FAM222B: variants seen among roughly 807,000 people sequenced by gnomAD.
The protein encoded by FAM222B is protein FAM222B.
FAM222B carries 12 observed loss-of-function variants against 38.0 expected under a neutral mutation model. The ratio of observed to expected loss-of-function variants is 0.32; its 90% CI spans 0.20 to 0.51. The LOEUF (loss-of-function observed/expected upper bound fraction) is 0.51. Ranked by LOEUF, FAM222B falls within the 20% of genes least tolerant of loss-of-function variation. The pLI is 0.97. For missense variants in FAM222B, 716 were observed against 754.2 expected, an observed-to-expected ratio of 0.95 and a Z score of 0.59; for synonymous variants, 329 against 317.2, an observed-to-expected ratio of 1.04 and a Z score of -0.40.
chr17:28,838,338 T>C (rs1048855707), intron 1 of FAM222B, among the ~76,000 whole-genome samples: 2 of 150,858 alleles, frequency 1.3e-5, no homozygotes, highest in African/African-American at 4.9e-5. Flanking sequence ...CCCAACACTT[T>C]GGGAGGCCGA....
At chr17:28,843,364 C>G (rs961699859), upstream of FAM222B, among the ~76,000 whole-genome samples, 4 of 143,840 alleles carry the variant, frequency 2.8e-5, no homozygotes, top group Admixed American at 2.8e-4. Context: ...CTCGAACTCC[C>G]GACCTCAGGT....
At chr17:28,844,213 C>G (rs2039123069), upstream of FAM222B, among the ~76,000 whole-genome samples, 1 of 152,118 alleles carries the variant, frequency 6.6e-6, no homozygotes, top group Admixed American at 6.6e-5. Context: ...CAGGACTAAA[C>G]TCTCTCCTCA....
intron 1 of FAM222B, among the ~76,000 whole-genome samples, chr17:28,811,845 C>T (rs2037781145): frequency 6.6e-6 from 1 of 152,194 alleles, no homozygotes; most frequent in Non-Finnish European, 1.5e-5. Flanking sequence ...ATGGTGAAGA[C>T]AACCTTAATG....
chr17:28,791,675 A>ATTTTTTT (rs869183871), intron 1 of FAM222B, among the ~76,000 whole-genome samples: 2 of 116,850 alleles, frequency 1.7e-5, no homozygotes, highest in Non-Finnish European at 1.7e-5. Flanking sequence ...GAGCCCAGGA[A>ATTTTTTT]TTTTTTTTTT....
At chr17:28,780,330 TTC>T (rs1177227763) in intron 1 of FAM222B, among the ~76,000 whole-genome samples, 3 of 152,114 alleles carry the variant, frequency 2.0e-5, no homozygotes, top group Non-Finnish European at 2.9e-5. Context: ...AAGTAAAATT[TTC>T]TCTGTCTGCA....
chr17:28,810,410 GCTAA>G (rs1220593078), intron 1 of FAM222B, among the ~76,000 whole-genome samples: 1 of 151,706 alleles, frequency 6.6e-6, no homozygotes, highest in Non-Finnish European at 1.5e-5. Flanking sequence ...TTATATACTA[GCTAA>G]CTTTGTTTTA....
At chr17:28,790,882 C>CAA in intron 1 of FAM222B, among the ~76,000 whole-genome samples, 5 of 9,318 alleles carry the variant, frequency 5.4e-4, no homozygotes, top group African/African-American at 2.0e-3. Context: ...CAAATTGTTT[C>CAA]ACTTTTTTTT....
intron 2 of FAM222B, among the ~76,000 whole-genome samples, chr17:28,761,521 G>A (rs2035071007): frequency 1.3e-5 from 2 of 152,220 alleles, no homozygotes; most frequent in African/African-American, 4.8e-5. Flanking sequence ...TTGGCCCAAA[G>A]GAGACTCTAT....
At chr17:28,816,508 G>C (rs141806452) in intron 1 of FAM222B, among the ~76,000 whole-genome samples, 1 of 151,376 alleles carries the variant, frequency 6.6e-6, no homozygotes, top group Non-Finnish European at 1.5e-5. Context: ...ATTATTTCTT[G>C]AGCACCCTAT....
intron 1 of FAM222B, among the ~76,000 whole-genome samples, chr17:28,798,023 C>T (rs1303425893): frequency 6.6e-6 from 1 of 152,090 alleles, no homozygotes; most frequent in African/African-American, 2.4e-5. Flanking sequence ...TGCCATTACA[C>T]TCCAGCCTGG....
intron 1 of FAM222B, among the ~76,000 whole-genome samples, chr17:28,797,962 T>C (rs1445091700): frequency 6.6e-6 from 1 of 151,492 alleles, no homozygotes; most frequent in Non-Finnish European, 1.5e-5. Context: ...GAGGCTGAGA[T>C]GGGAGGATCA....
At chr17:28,822,856 T>TAC (rs1174602078) in intron 1 of FAM222B, among the ~76,000 whole-genome samples, 9 of 103,624 alleles carry the variant, frequency 8.7e-5, no homozygotes, top group African/African-American at 3.2e-4. Context: ...TATATATATA[T>TAC]ATATATATAC....
upstream of FAM222B, among the ~76,000 whole-genome samples, chr17:28,845,457 T>C (rs1331630499): frequency 1.4e-5 from 2 of 144,572 alleles, no homozygotes; most frequent in Non-Finnish European, 1.5e-5. Flanking sequence ...TGGGCGCCTG[T>C]AGTCCCAGCT....
At chr17:28,804,688 T>C (rs971032761) in intron 1 of FAM222B, among the ~76,000 whole-genome samples, 1 of 152,098 alleles carries the variant, frequency 6.6e-6, no homozygotes, top group African/African-American at 2.4e-5. Context: ...CCAAGGATAC[T>C]ACATTGAGCT....
At chr17:28,840,517 T>C (rs1053347918) in intron 1 of FAM222B, among the ~76,000 whole-genome samples, 2 of 152,142 alleles carry the variant, frequency 1.3e-5, no homozygotes, top group African/African-American at 2.4e-5. Flanking sequence ...TTCTGAGATA[T>C]TCCACCTGAG....
intron 1 of FAM222B, among the ~76,000 whole-genome samples, chr17:28,842,433 G>A (rs370222286): frequency 6.6e-5 from 10 of 152,144 alleles, no homozygotes; most frequent in East Asian, 1.9e-4. Flanking sequence ...GCTCCTGGAG[G>A]AAGGGATGAT....
chr17:28,764,963 C>T (rs1237075990), intron 2 of FAM222B, among the ~76,000 whole-genome samples: 1 of 152,106 alleles, frequency 6.6e-6, no homozygotes, highest in Non-Finnish European at 1.5e-5. Flanking sequence ...CCCAGAAGCC[C>T]AGAAATAGGC....
At chr17:28,771,268 G>C (rs1468062522) in intron 1 of FAM222B, among the ~76,000 whole-genome samples, 1 of 152,154 alleles carries the variant, frequency 6.6e-6, no homozygotes, top group Non-Finnish European at 1.5e-5. Flanking sequence ...ATACACACCT[G>C]TAAGTAATAA....
intron 1 of FAM222B, among the ~76,000 whole-genome samples, chr17:28,791,064 C>G (rs914851310): frequency 1.3e-5 from 2 of 151,124 alleles, no homozygotes; most frequent in African/African-American, 2.4e-5. Flanking sequence ...CCCGCCACCA[C>G]GCCCAGCTAA....
Sources: gnomAD v4.1 joint callset for allele counts (sites outside exome capture counted in the v4.1 genomes callset) on GRCh38, gnomAD v4.1.1 for gene constraint, MANE v1.5 for transcripts, NCBI Gene and HGNC (gene_info 2026-07-23, HGNC 2026-07-21) for gene names.